Variants in INSYN2A observed in about 807,000 individuals in gnomAD.
INSYN2A encodes the protein inhibitory synaptic factor 2A, also known as family with sequence similarity 196 member A.
In INSYN2A, 17 loss-of-function variants were observed where a neutral mutation model predicts 39.4. That is an observed-to-expected ratio of 0.43 (90% confidence interval 0.30 to 0.65). The LOEUF is 0.65. Ranked by LOEUF, INSYN2A falls within the 30% of genes least tolerant of loss-of-function variation. The pLI is 0.14. For synonymous variants in INSYN2A, 255 were observed against 265.7 expected (o/e 0.96, Z 0.39); for missense variants, 595 against 631.2 (o/e 0.94, Z 0.61).
At position 127,137,840 on chromosome 10, in the gene INSYN2A, A is replaced by C; in HGVS notation, c.1437T>G (p.Leu479=). Reference sequence around the variant, plus strand: ...GAGACTCCAGACACCGTGAGTGTTAAAGGAACCAGAGTTTCCATCTTCCGT... The same window carrying C: ...GAGACTCCAGACACCGTGAGTGTTACAGGAACCAGAGTTTCCATCTTCCGT... ...KKHGRWKLWF[L] Residue 479 remains leucine, a synonymous_variant, in exon 6 of 6, where the codon CTT becomes CTG. Transcript: ENST00000522781. 6.2e-7 allele frequency: 1 copy of C among 1,612,926 alleles called. No individual in the cohort carries two copies. Among genetic ancestry groups the C allele is most frequent in the Non-Finnish European group, 8.5e-7 (1 of 1,179,720 alleles).
chr10:127,138,786 GTGTTAAAGATGA>G (rs1393010226), intron 5 of INSYN2A, among the ~76,000 whole-genome samples: 2 of 152,188 alleles, frequency 1.3e-5, no homozygotes, highest in Admixed American at 1.3e-4. Flanking sequence ...TTAGAAGATG[GTGTTAAAGATGA>G]TTTTTGAACT....
intron 2 of INSYN2A, among the ~76,000 whole-genome samples, chr10:127,184,259 T>C (rs561761819): frequency 1.3e-5 from 2 of 152,300 alleles, no homozygotes; most frequent in African/African-American, 4.8e-5. Flanking sequence ...ATTCTGTCAG[T>C]ATTTTTATGC....
rs575343345 is a variant in INSYN2A at position 127,150,222 on chromosome 10, T to C, written c.1256+3630A>G. Among the ~76,000 whole-genome samples, 3 of 152,318 alleles carry C rather than the reference T, an allele frequency of 2.0e-5. No individual in the cohort carries two copies. In the South Asian group the frequency reaches 6.2e-4, roughly 32 times the overall value. On this transcript the variant is annotated intron_variant, in intron 5 of 5. Transcript: ENST00000522781. ...CCTCCTGCCCAAGGAACTCACTGGG[T>C]TCTGAACACTTTTCTACCGAAGAAA...
chr10:127,153,362 G>C (rs2052695945), intron 5 of INSYN2A, among the ~76,000 whole-genome samples: 1 of 152,172 alleles, frequency 6.6e-6, no homozygotes, highest in Non-Finnish European at 1.5e-5. Flanking sequence ...AACAGCTGTA[G>C]GGGCTCTGGA....
intron 5 of INSYN2A, among the ~76,000 whole-genome samples, chr10:127,153,418 G>A (rs144687569): frequency 5.9e-5 from 9 of 152,312 alleles, no homozygotes; most frequent in African/African-American, 2.2e-4. Flanking sequence ...ATCCTCGAGA[G>A]TTCCCAGGAA....
intron 2 of INSYN2A, among the ~76,000 whole-genome samples, chr10:127,187,201 A>G (rs1445839733): frequency 6.6e-6 from 1 of 152,232 alleles, no homozygotes; most frequent in Admixed American, 6.5e-5. Context: ...TTCAGCAAAT[A>G]TTCCTGCGTT....
chr10:127,187,810 G>A (rs1397575170), intron 2 of INSYN2A, among the ~76,000 whole-genome samples: 1 of 152,246 alleles, frequency 6.6e-6, no homozygotes, highest in East Asian at 1.9e-4. Flanking sequence ...AAAAGCAAAA[G>A]CATATTGGTC....
At chr10:127,171,016 A>T (rs2054524616) in intron 4 of INSYN2A, among the ~76,000 whole-genome samples, 1 of 152,236 alleles carries the variant, frequency 6.6e-6, no homozygotes, top group African/African-American at 2.4e-5. Context: ...TGCTCGTAAC[A>T]GGATATGTCC....
chr10:127,162,054 C>T (rs1239201285), intron 4 of INSYN2A, among the ~76,000 whole-genome samples: 1 of 152,118 alleles, frequency 6.6e-6, no homozygotes, highest in African/African-American at 2.4e-5. Context: ...ATAACCACCA[C>T]TCATGGGTTT....
At chr10:127,180,653 T>C (rs1207452104) in intron 2 of INSYN2A, among the ~76,000 whole-genome samples, 18 of 152,202 alleles carry the variant, frequency 1.2e-4, no homozygotes, top group Admixed American at 1.2e-3. Flanking sequence ...AATTAATGGC[T>C]GATATGAAAA....
intron 4 of INSYN2A, among the ~76,000 whole-genome samples, chr10:127,160,128 G>T (rs1399639138): frequency 6.9e-6 from 1 of 143,972 alleles, no homozygotes; most frequent in Admixed American, 6.8e-5. Context: ...TGGTTAAAAG[G>T]TCAGGAAAGA....
At chr10:127,165,477 A>G (rs1183815205) in intron 4 of INSYN2A, among the ~76,000 whole-genome samples, 2 of 152,078 alleles carry the variant, frequency 1.3e-5, no homozygotes, top group Non-Finnish European at 2.9e-5. Flanking sequence ...GATAGAAAAA[A>G]CTTTACTGCC....
chr10:127,169,505 A>C (rs924587207), intron 4 of INSYN2A, among the ~76,000 whole-genome samples: 1 of 152,218 alleles, frequency 6.6e-6, no homozygotes, highest in Admixed American at 6.5e-5. Flanking sequence ...TGTATTTACA[A>C]ACCATATATC....
rs1373815822 is a variant in INSYN2A at position 127,135,970 on chromosome 10, T to A, written c.*1867A>T. 6.6e-6 allele frequency: 1 copy of A among 152,668 alleles called. No individual in the cohort carries two copies. Among genetic ancestry groups the A allele is most frequent in the Non-Finnish European group, 1.5e-5 (1 of 68,044 alleles). 9.5% of individuals were successfully genotyped at this position (152,668 alleles called of 1,614,324 possible). On this transcript the variant is annotated 3_prime_UTR_variant, in exon 6 of 6. Coordinates refer to ENST00000522781, the MANE Select transcript of INSYN2A (RefSeq NM_001039762.3). ...GAAACCCATTTTTAAATATTTAGTC[T>A]ACGTGAAACAGTTACACTTCCTTCA... is the stretch of plus-strand genomic sequence containing the variant.
chr10:127,137,695 G>T lies in INSYN2A; in HGVS notation c.*142C>A. On this transcript the variant is annotated 3_prime_UTR_variant, in exon 6 of 6. Coordinates refer to ENST00000522781, the MANE Select transcript of INSYN2A (RefSeq NM_001039762.3). ...CTGTTAATTATCTATTGGTACAAAGGCCTTTTTGGTACGCAGGGCGAGAAG... is the reference window on the plus strand; with the variant it reads ...CTGTTAATTATCTATTGGTACAAAGTCCTTTTTGGTACGCAGGGCGAGAAG... 1.5e-6 allele frequency: 1 copy of T among 685,174 alleles called. No homozygotes were observed. The highest frequency in any genetic ancestry group is 2.2e-5 in the South Asian group (1 of 46,248). 42.4% of individuals were successfully genotyped at this position (685,174 alleles called of 1,614,324 possible). A position where few individuals can be genotyped will look rare whatever the true frequency, so the allele number is the denominator to read the frequency against.
At chr10:127,146,411 G>A (rs562865204) in intron 5 of INSYN2A, among the ~76,000 whole-genome samples, 2 of 152,204 alleles carry the variant, frequency 1.3e-5, no homozygotes, top group African/African-American at 4.8e-5. Flanking sequence ...GTACATATTC[G>A]AGGGACATAA....
chr10:127,149,419 C>T (rs1033188486), intron 5 of INSYN2A, among the ~76,000 whole-genome samples: 16 of 152,186 alleles, frequency 1.1e-4, no homozygotes, highest in Non-Finnish European at 4.4e-5. Flanking sequence ...CCCTAGTCCT[C>T]TATATTTCCA....
chr10:127,138,122 A>C, intron 5 of INSYN2A, 102 bp from the exon 6 acceptor site: 1 of 993,894 alleles, frequency 1.0e-6, no homozygotes, highest in African/African-American at 1.6e-5. Context: ...TGTGTTTGTA[A>C]TGTAATTTTA....
chr10:127,144,783 CTTCCTT>C (rs1231163704), intron 5 of INSYN2A, among the ~76,000 whole-genome samples: 1 of 152,108 alleles, frequency 6.6e-6, no homozygotes, highest in Non-Finnish European at 1.5e-5. Context: ...ACTTTGTATC[CTTCCTT>C]TACCACTATT....
Sources: allele counts gnomAD v4.1 joint callset (sites outside exome capture counted in the v4.1 genomes callset), GRCh38; gene constraint gnomAD v4.1.1; transcripts MANE v1.5; gene names NCBI Gene and HGNC (gene_info 2026-07-23, HGNC 2026-07-21).